Variants in NHSL3 observed in about 807,000 individuals in gnomAD.
NHSL3 encodes the protein NHS-like protein 3.
chr1:32,750,386 A>G, the NHSL3 span, among the ~76,000 whole-genome samples: 1 of 152,322 alleles, frequency 6.6e-6, no homozygotes, highest in East Asian at 1.9e-4. Context: ...TAAACCCTGA[A>G]TCTTGTAGCA....
chr1:32,770,773 C>T, the NHSL3 span: 1 of 1,580,860 alleles, frequency 6.3e-7, no homozygotes, highest in Non-Finnish European at 8.6e-7. This position sits in a 1 kb window ranked among gnomAD's most constrained non-coding sequence, Gnocchi z 8.3. Flanking sequence ...GCAGCAGCCC[C>T]AGCTGCCTCG....
At chr1:32,773,995 A>G in the NHSL3 span, 1 of 152,668 alleles carries the variant, frequency 6.6e-6, no homozygotes, top group Non-Finnish European at 1.5e-5. Flanking sequence ...TCTCTAGTCA[A>G]TGAGGGGCAC....
chr1:32,751,057 C>T, the NHSL3 span, among the ~76,000 whole-genome samples: 8 of 152,254 alleles, frequency 5.3e-5, no homozygotes, highest in South Asian at 4.1e-4. Flanking sequence ...GTGATCTGCC[C>T]GCCTCTACCT....
the NHSL3 span, chr1:32,770,614 C>T: frequency 1.6e-5 from 24 of 1,515,560 alleles, no homozygotes; most frequent in South Asian, 6.6e-5. The surrounding 1 kb of genome is among the most constrained non-coding windows in gnomAD (Gnocchi z 8.3). Context: ...ACTCAGCATT[C>T]GGAGCAGTGG....
the NHSL3 span, chr1:32,771,520 G>A: frequency 6.3e-7 from 1 of 1,597,204 alleles, no homozygotes; most frequent in South Asian, 1.1e-5. Context: ...TGAGGAGCAG[G>A]ACCTGTCCAT....
At chr1:32,755,683 G>A in the NHSL3 span, among the ~76,000 whole-genome samples, 2 of 152,290 alleles carry the variant, frequency 1.3e-5, no homozygotes, top group South Asian at 4.1e-4. Context: ...ATTTGCCTGT[G>A]GTGGTTTGAG....
chr1:32,742,980 T>G, the NHSL3 span, among the ~76,000 whole-genome samples: 3 of 152,210 alleles, frequency 2.0e-5, no homozygotes. Context: ...TGAATTTGAG[T>G]CCCTGGGCTC....
chr1:32,774,918 C>T, the NHSL3 span: 2 of 152,626 alleles, frequency 1.3e-5, no homozygotes, highest in South Asian at 4.2e-4. Context: ...GAGTGAGACA[C>T]ATGAAGAAAA....
chr1:32,750,222 C>T, the NHSL3 span, among the ~76,000 whole-genome samples: 1 of 152,112 alleles, frequency 6.6e-6, no homozygotes, highest in Non-Finnish European at 1.5e-5. Flanking sequence ...TCCGCCTCCC[C>T]CATCGTTAGT....
chr1:32,754,241 A>G, the NHSL3 span: 1 of 693,910 alleles, frequency 1.4e-6, no homozygotes, highest in Non-Finnish European at 2.7e-6. Flanking sequence ...GGTCGTCGCC[A>G]CCGCTGCTGC....
the NHSL3 span, among the ~76,000 whole-genome samples, chr1:32,755,263 G>A: frequency 1.3e-5 from 2 of 152,216 alleles, no homozygotes; most frequent in Non-Finnish European, 2.9e-5. Flanking sequence ...CTTCAACATA[G>A]GCAGGCACTT....
chr1:32,772,139 T>C, the NHSL3 span: 4 of 1,613,314 alleles, frequency 2.5e-6, no homozygotes, highest in East Asian at 2.2e-5. Flanking sequence ...GAGCGGCCCG[T>C]GTCCCCTGAG....
At chr1:32,768,653 C>A in the NHSL3 span, 6 of 1,614,122 alleles carry the variant, frequency 3.7e-6, no homozygotes, top group Non-Finnish European at 5.1e-6. Flanking sequence ...CCCTGATAGT[C>A]CTCCCGGACG....
chr1:32,772,998 G>A, the NHSL3 span: 7 of 1,050,018 alleles, frequency 6.7e-6, no homozygotes, highest in African/African-American at 1.6e-5. Flanking sequence ...TAGAGAGGGC[G>A]CCTGCAGCCT....
the NHSL3 span, among the ~76,000 whole-genome samples, chr1:32,743,064 G>T: frequency 1.3e-5 from 2 of 152,206 alleles, no homozygotes; most frequent in African/African-American, 4.8e-5. Context: ...GTCATTTTCA[G>T]TTCCTTTCTT....
chr1:32,756,040 C>T, the NHSL3 span, among the ~76,000 whole-genome samples: 1 of 152,180 alleles, frequency 6.6e-6, no homozygotes, highest in Non-Finnish European at 1.5e-5. Flanking sequence ...GAGGAAGTGG[C>T]CTGGGGCTTC....
the NHSL3 span, among the ~76,000 whole-genome samples, chr1:32,754,597 A>G: frequency 6.6e-6 from 1 of 152,100 alleles, no homozygotes; most frequent in African/African-American, 2.4e-5. Flanking sequence ...GTTCACACAC[A>G]TCGGTCATGT....
chr1:32,772,278 C>A, the NHSL3 span: 3 of 1,598,102 alleles, frequency 1.9e-6, no homozygotes, highest in Non-Finnish European at 2.6e-6. Flanking sequence ...CTGTGGGAGT[C>A]CCCCCACCCG....
the NHSL3 span, among the ~76,000 whole-genome samples, chr1:32,759,319 T>C: frequency 6.6e-6 from 1 of 152,194 alleles, no homozygotes; most frequent in Non-Finnish European, 1.5e-5. Context: ...TTTCTTCTCC[T>C]TACTCTGTGG....
Sources: allele counts gnomAD v4.1 joint callset (sites outside exome capture counted in the v4.1 genomes callset), GRCh38; gene constraint gnomAD v4.1.1; non-coding constraint Gnocchi (gnomAD v3.1); transcripts MANE v1.5; gene names NCBI Gene and HGNC (gene_info 2026-07-23, HGNC 2026-07-21).